Variants in PCDHGC3 observed in about 807,000 individuals in gnomAD.
The protein encoded by PCDHGC3 is protocadherin gamma-C3.
PCDHGC3 carries 26 observed loss-of-function variants against 59.2 expected under a neutral mutation model. The ratio of observed to expected loss-of-function variants is 0.44; its 90% CI spans 0.32 to 0.61. PCDHGC3 has a LOEUF of 0.61. PCDHGC3 is among the 20% of genes least tolerant of loss of function. The pLI, the probability that PCDHGC3 is intolerant of heterozygous loss-of-function variation, is 0.05. For missense variants in PCDHGC3, 1,080 were observed against 1,221.8 expected (o/e 0.88, Z 1.73); for synonymous variants, 487 against 519.7 (o/e 0.94, Z 0.86).
At position 141,491,023 on chromosome 5, in the gene PCDHGC3, G is replaced by A. The variant is rs773185039; in HGVS notation, c.2431-3784G>A. 17 of 1,613,990 alleles carry A rather than the reference G, an allele frequency of 1.1e-5. No individual in the cohort carries two copies. Among genetic ancestry groups the A allele is most frequent in the Admixed American group, 5.0e-5 (3 of 60,008 alleles). ...CTCCTTGGTCACCAAGGTGACAGCC[G>A]TGGATGCTGATGCAGGCCACAATGC... On this transcript the variant is annotated intron_variant, in intron 1 of 3. Coordinates refer to ENST00000308177, the MANE Select transcript of PCDHGC3 (RefSeq NM_002588.4). The surrounding 1 kb of genome is among the most constrained non-coding windows in gnomAD (Gnocchi z 6.9).
rs1350353768 is a variant in PCDHGC3, at chr5:141,476,524, T to A, written c.408T>A (p.Pro136=). The part of the protein sequence containing the change: ...QDINDNNPAF[P]TQEMKLEISE... Reference sequence around the variant, plus strand: ...TCAACGACAACAATCCTGCTTTCCCTACCCAGGAAATGAAATTGGAGATTA... The same window carrying A: ...TCAACGACAACAATCCTGCTTTCCCAACCCAGGAAATGAAATTGGAGATTA... Residue 136 remains proline (P), a synonymous_variant, in exon 1 of 4, where the codon CCT becomes CCA. Coordinates refer to ENST00000308177, the MANE Select transcript of PCDHGC3 (RefSeq NM_002588.4). The surrounding 1 kb of genome is among the most constrained non-coding windows in gnomAD (Gnocchi z 7.6). The A allele has an allele frequency of 1.2e-5, 20 of 1,614,064 alleles. No homozygotes were observed. The highest frequency in any genetic ancestry group is 1.7e-5 in the Non-Finnish European group (20 of 1,180,036).
chr5:141,493,204 C>T lies in PCDHGC3; in HGVS notation c.2431-1603C>T, dbSNP rs2099746929. Among the ~76,000 whole-genome samples, 1 of 152,216 alleles carries T rather than the reference C, an allele frequency of 6.6e-6. No individual in the cohort carries two copies. Among genetic ancestry groups the T allele is most frequent in the Non-Finnish European group, 1.5e-5 (1 of 68,042 alleles). Reference sequence around the variant, plus strand: ...TATATAACTCCTTTGAGAACCTCATCTCATTTGCTCTTCCCACCATTGCTG... The same window carrying T: ...TATATAACTCCTTTGAGAACCTCATTTCATTTGCTCTTCCCACCATTGCTG... On this transcript the variant is annotated intron_variant, in intron 1 of 3. Transcript: ENST00000308177. This position sits in a 1 kb window ranked among gnomAD's most constrained non-coding sequence, Gnocchi z 4.3.
intron 2 of PCDHGC3, among the ~76,000 whole-genome samples, chr5:141,503,909 C>T (rs904260329): frequency 1.3e-5 from 2 of 152,156 alleles, no homozygotes; most frequent in Admixed American, 1.3e-4. Flanking sequence ...ACACACACAA[C>T]GCAACACACA....
Position 141,485,519 on chromosome 5 carries a change from A to T in PCDHGC3, c.2430+6973A>T. ...GTTTGTCACCGAAGGTCCTTTGGAA[A>T]TGTACCGAGCAGAGGTAGAGATCGT... On this transcript the variant is annotated intron_variant, in intron 1 of 3. Transcript: ENST00000308177. The surrounding 1 kb of genome is among the most constrained non-coding windows in gnomAD (Gnocchi z 5.7). The T allele has an allele frequency of 6.2e-7, 1 of 1,614,150 alleles. No individual in the cohort carries two copies. The highest frequency in any genetic ancestry group is 8.5e-7 in the Non-Finnish European group (1 of 1,180,018).
At position 141,491,154 on chromosome 5, in the gene PCDHGC3, C is replaced by T. The variant is rs773308291; in HGVS notation, c.2431-3653C>T. ...CAGCCCGGGCCTTACTGGAGGATGACTCTGACACCCAGCAGGTGGTGGTCC... is the reference window on the plus strand; with the variant it reads ...CAGCCCGGGCCTTACTGGAGGATGATTCTGACACCCAGCAGGTGGTGGTCC... On this transcript the variant is annotated intron_variant, in intron 1 of 3. Coordinates refer to ENST00000308177, the MANE Select transcript of PCDHGC3 (RefSeq NM_002588.4). The surrounding 1 kb of genome is among the most constrained non-coding windows in gnomAD (Gnocchi z 6.9). The T allele has an allele frequency of 6.2e-7, 1 of 1,614,162 alleles. No homozygotes were observed. The highest frequency in any genetic ancestry group is 1.7e-5 in the Admixed American group (1 of 60,026).
In PCDHGC3 at chr5:141,485,609, G is replaced by A. The variant is rs1432367043; in HGVS notation, c.2430+7063G>A. The A allele has an allele frequency of 6.2e-7, 1 of 1,612,252 alleles. No homozygotes were observed. Among genetic ancestry groups the A allele is most frequent in the Non-Finnish European group, 8.5e-7 (1 of 1,178,656 alleles). On this transcript the variant is annotated intron_variant, in intron 1 of 3. Transcript: ENST00000308177. This position sits in a 1 kb window ranked among gnomAD's most constrained non-coding sequence, Gnocchi z 5.7. ...GCTGGACTTGGAAATTGGGGAGGCA[G>A]CTCCTCCAGGACAGCGTTTCCCGTT...
intron 2 of PCDHGC3, among the ~76,000 whole-genome samples, chr5:141,496,353 C>T (rs761547879): frequency 4.6e-5 from 7 of 152,210 alleles, no homozygotes; most frequent in Non-Finnish European, 8.8e-5. Context: ...AGTCTCAGAG[C>T]CCAGGGAGAG....
intron 1 of PCDHGC3, among the ~76,000 whole-genome samples, chr5:141,481,250 C>A (rs1160186962): frequency 2.6e-5 from 4 of 152,144 alleles, no homozygotes; most frequent in Non-Finnish European, 5.9e-5. Context: ...TAGCATAGCT[C>A]TAAAAGATCA....
Position 141,491,077 on chromosome 5 carries a change from T to TAGGA in PCDHGC3, c.2431-3730_2431-3729insAGGA, listed in dbSNP as rs752090443. 1.2e-6 allele frequency: 2 copies of TAGGA among 1,614,166 alleles called. No homozygotes were observed. Among genetic ancestry groups the TAGGA allele is most frequent in the Admixed American group, 3.3e-5 (2 of 60,014 alleles). On this transcript the variant is annotated intron_variant, in intron 1 of 3. Transcript: ENST00000308177. This position sits in a 1 kb window ranked among gnomAD's most constrained non-coding sequence, Gnocchi z 6.9. The stretch of plus-strand genomic sequence containing the variant: ...GCTCTCCTACTCACTGTTGCCACAG[T>TAGGA]CCACAGCCCCAGGACTGTTCCTCGT...
intron 1 of PCDHGC3, chr5:141,478,819 C>G (rs927315523): frequency 2.1e-6 from 3 of 1,447,842 alleles, no homozygotes; most frequent in Non-Finnish European, 2.7e-6. Context: ...CACAACTAAC[C>G]AATCTTGCTA....
intron 1 of PCDHGC3, among the ~76,000 whole-genome samples, chr5:141,483,631 T>C (rs973545851): frequency 2.7e-5 from 4 of 149,022 alleles, no homozygotes; most frequent in African/African-American, 1.0e-4. Flanking sequence ...TGGGAGAAGG[T>C]ATAGAGGGGT....
At chr5:141,500,699 A>G (rs780869966) in intron 2 of PCDHGC3, among the ~76,000 whole-genome samples, 1 of 152,156 alleles carries the variant, frequency 6.6e-6, no homozygotes, top group Non-Finnish European at 1.5e-5. Context: ...TCTTCTTTGC[A>G]GTGTATCATG....
intron 3 of PCDHGC3, among the ~76,000 whole-genome samples, chr5:141,510,330 C>T (rs1420880240): frequency 6.6e-6 from 1 of 151,298 alleles, no homozygotes; most frequent in Non-Finnish European, 1.5e-5. Context: ...GCACTCTTCA[C>T]CCCCACCCCA....
Position 141,489,391 on chromosome 5 carries a change from G to C in PCDHGC3, c.2431-5416G>C. 6.2e-7 allele frequency: 1 copy of C among 1,614,174 alleles called. No individual in the cohort carries two copies. The highest frequency in any genetic ancestry group is 8.5e-7 in the Non-Finnish European group (1 of 1,180,022). ...GACGCTGGTGGGGAATGTTGCTCAG[G>C]ATCTGGGCTTAAAGATGACAGATCT... On this transcript the variant is annotated intron_variant, in intron 1 of 3. Transcript: ENST00000308177. This position sits in a 1 kb window ranked among gnomAD's most constrained non-coding sequence, Gnocchi z 4.5.
rs188373658 is a variant in PCDHGC3 at position 141,492,228 on chromosome 5, C to T, written c.2431-2579C>T. ...TGCGCGCGGGGCTCATGCGTGTCCT[C>T]CCTGCTGGCCACCCCCACGGCCCAC... On this transcript the variant is annotated intron_variant, in intron 1 of 3. Coordinates refer to ENST00000308177, the MANE Select transcript of PCDHGC3 (RefSeq NM_002588.4). Among the ~76,000 whole-genome samples the T allele has an allele frequency of 5.3e-5, 8 of 152,292 alleles. No individual in the cohort carries two copies. In the East Asian group the frequency reaches 1.2e-3, roughly 22 times the overall value.
rs368153419 is a variant in PCDHGC3 at position 141,476,458 on chromosome 5, C to T, written c.342C>T (p.Asn114=). 1 of 1,614,044 alleles carries T rather than the reference C, an allele frequency of 6.2e-7. No homozygotes were observed. Among genetic ancestry groups the T allele is most frequent in the Non-Finnish European group, 8.5e-7 (1 of 1,180,014 alleles). The change falls in exon 1 of 4, where the codon AAC becomes AAT. Residue 114 remains asparagine, a synonymous_variant. Coordinates refer to ENST00000308177, the MANE Select transcript of PCDHGC3 (RefSeq NM_002588.4). The surrounding 1 kb of genome is among the most constrained non-coding windows in gnomAD (Gnocchi z 7.6). ...TAACTCTGGAGTTGGTAGTGGAGAA[C>T]CCGCTGGAGCTGTTCAGCGTGGAAG... The part of the protein sequence containing the change: ...CTVTLELVVE[N]PLELFSVEVV...
chr5:141,511,443 C>A lies in PCDHGC3; in HGVS notation c.*270C>A. On this transcript the variant is annotated 3_prime_UTR_variant, in exon 4 of 4. Coordinates refer to ENST00000308177, the MANE Select transcript of PCDHGC3 (RefSeq NM_002588.4). ...GGGGTAGTGGGGTTACTGTAGACAC[C>A]AAGAACCATTTGCCACACCCCGTTT... 1 of 670,886 alleles carries A rather than the reference C, an allele frequency of 1.5e-6. No homozygotes were observed. Among genetic ancestry groups the A allele is most frequent in the Non-Finnish European group, 2.4e-6 (1 of 421,442 alleles). 41.6% of individuals were successfully genotyped at this position (670,886 alleles called of 1,614,324 possible).
intron 3 of PCDHGC3, chr5:141,508,010 CAAG>C (rs2099865550): frequency 6.6e-6 from 1 of 152,308 alleles, no homozygotes; most frequent in Non-Finnish European, 1.5e-5. Context: ...GGGATGCTCT[CAAG>C]GAGGCTGCGG....
At chr5:141,510,818 A>C in intron 3 of PCDHGC3, 129 bp from the exon 4 acceptor site, 1 of 1,551,540 alleles carries the variant, frequency 6.4e-7, no homozygotes, top group Non-Finnish European at 8.7e-7. Context: ...TGACCCCTAT[A>C]TTCCCAGTGC....
Sources: gnomAD v4.1 joint callset for allele counts (sites outside exome capture counted in the v4.1 genomes callset) on GRCh38, gnomAD v4.1.1 for gene constraint, Gnocchi (gnomAD v3.1) non-coding constraint, MANE v1.5 for transcripts, NCBI Gene and HGNC (gene_info 2026-07-23, HGNC 2026-07-21) for gene names.